CDH8: variants seen among roughly 807,000 people sequenced by gnomAD.
CDH8 encodes cadherin 8.
In CDH8, 17 loss-of-function variants were observed where a neutral mutation model predicts 68.1. That is an observed-to-expected ratio of 0.25 (90% CI 0.17 to 0.37). The LOEUF (loss-of-function observed/expected upper bound fraction) is 0.37. CDH8 is among the 10% of genes least tolerant of loss of function. CDH8 has a pLI of 1.00. For synonymous variants in CDH8, 372 were observed against 365.1 expected (o/e 1.02, Z -0.21); for missense variants, 763 against 999.3 (o/e 0.76, Z 3.19).
intron 9 of CDH8, among the ~76,000 whole-genome samples, chr16:61,718,440 C>T (rs1959194669): frequency 6.6e-6 from 1 of 151,332 alleles, no homozygotes; most frequent in South Asian, 2.1e-4. Context: ...CACACTGTCA[C>T]TTTCTCAGGT....
At chr16:61,670,075 A>G (rs1468477504) in intron 10 of CDH8, among the ~76,000 whole-genome samples, 1 of 151,878 alleles carries the variant, frequency 6.6e-6, no homozygotes, top group East Asian at 1.9e-4. Context: ...ATTTTTTCCC[A>G]TCTCCTACAA....
At chr16:61,711,741 T>A (rs146328021) in intron 10 of CDH8, 1 of 151,788 alleles carries the variant, frequency 6.6e-6, no homozygotes, top group Non-Finnish European at 1.5e-5. Context: ...TGTTGAAGAT[T>A]TGGATCCTAA....
At chr16:61,671,802 T>G (rs948511064) in intron 10 of CDH8, among the ~76,000 whole-genome samples, 7 of 152,072 alleles carry the variant, frequency 4.6e-5, no homozygotes, top group Non-Finnish European at 1.0e-4. Flanking sequence ...AAGGTCAAAC[T>G]GATTTACTTT....
At chr16:61,665,519 G>T (rs1352069079) in intron 10 of CDH8, among the ~76,000 whole-genome samples, 1 of 151,866 alleles carries the variant, frequency 6.6e-6, no homozygotes, top group Non-Finnish European at 1.5e-5. Context: ...GGGGGGCAAG[G>T]GGAGAGAGAG....
At chr16:61,996,795 G>T (rs1202170668) in intron 2 of CDH8, among the ~76,000 whole-genome samples, 1 of 151,980 alleles carries the variant, frequency 6.6e-6, no homozygotes, top group Non-Finnish European at 1.5e-5. Flanking sequence ...TGCCAAAGCT[G>T]GTCTCGAACT....
chr16:61,891,541 G>C (rs79478242), intron 3 of CDH8, among the ~76,000 whole-genome samples: 30 of 152,190 alleles, frequency 2.0e-4, no homozygotes, highest in African/African-American at 7.2e-4. Context: ...TCACATATTA[G>C]AAGCCATTGC....
chr16:61,734,307 G>GGACCTTGTTGACGTTGACTTATC (rs568802867), intron 8 of CDH8, among the ~76,000 whole-genome samples: 3,520 of 152,086 alleles, frequency 0.023, 69 homozygotes, highest in Non-Finnish European at 0.035. Flanking sequence ...GAACATATTG[G>GGACCTTGTTGACGTTGACTTATC]GACCTTGTTG....
At chr16:62,022,007 G>C (rs946856655) in intron 1 of CDH8, among the ~76,000 whole-genome samples, 1 of 151,496 alleles carries the variant, frequency 6.6e-6, no homozygotes, top group Admixed American at 6.6e-5. Context: ...CCCACTTGTC[G>C]AACACACTGT....
At chr16:61,895,965 G>A (rs1196665121) in intron 3 of CDH8, among the ~76,000 whole-genome samples, 1 of 151,654 alleles carries the variant, frequency 6.6e-6, no homozygotes, top group Non-Finnish European at 1.5e-5. Context: ...AGTCAGATTT[G>A]GAGCCAAATA....
intron 2 of CDH8, chr16:61,934,011 G>A (rs1228362271): frequency 1.3e-5 from 2 of 152,098 alleles, no homozygotes; most frequent in Non-Finnish European, 1.5e-5. Flanking sequence ...ATATTCAGAC[G>A]GGATCAATAG....
chr16:61,877,718 A>C (rs1163222482), intron 3 of CDH8, among the ~76,000 whole-genome samples: 1 of 152,140 alleles, frequency 6.6e-6, no homozygotes, highest in Non-Finnish European at 1.5e-5. Context: ...AACATATAGA[A>C]ATAAGAGAGA....
intron 10 of CDH8, among the ~76,000 whole-genome samples, chr16:61,687,379 C>A (rs975682310): frequency 6.6e-6 from 1 of 151,788 alleles, no homozygotes; most frequent in African/African-American, 2.4e-5. Context: ...AATCACATAC[C>A]CGTTTTGTAG....
intron 8 of CDH8, among the ~76,000 whole-genome samples, chr16:61,744,505 TCTTG>T (rs1959963564): frequency 6.6e-6 from 1 of 152,044 alleles, no homozygotes; most frequent in Non-Finnish European, 1.5e-5. Flanking sequence ...ATGATCTGTG[TCTTG>T]CTTCCTTTTT....
At chr16:61,826,408 T>C (rs1962336132) in intron 4 of CDH8, among the ~76,000 whole-genome samples, 1 of 151,866 alleles carries the variant, frequency 6.6e-6, no homozygotes, top group African/African-American at 2.4e-5. Flanking sequence ...TACTTAACTC[T>C]GTCATAAGAT....
chr16:61,798,748 C>A (rs1961553842), intron 7 of CDH8, among the ~76,000 whole-genome samples: 1 of 152,076 alleles, frequency 6.6e-6, no homozygotes, highest in African/African-American at 2.4e-5. Flanking sequence ...ACATGGAAAG[C>A]AAAGGAAGTG....
intron 10 of CDH8, among the ~76,000 whole-genome samples, chr16:61,684,399 T>C (rs776239376): frequency 6.6e-6 from 1 of 151,986 alleles, no homozygotes; most frequent in African/African-American, 2.4e-5. Flanking sequence ...GAGTTTTTTA[T>C]TGGCTAGGCA....
At chr16:61,926,451 A>T (rs1964458439) in intron 2 of CDH8, among the ~76,000 whole-genome samples, 1 of 152,108 alleles carries the variant, frequency 6.6e-6, no homozygotes. Context: ...CTTCAAATTA[A>T]CACCCTGATC....
chr16:62,028,569 G>A (rs1355459540), intron 1 of CDH8, among the ~76,000 whole-genome samples: 1 of 152,086 alleles, frequency 6.6e-6, no homozygotes, highest in African/African-American at 2.4e-5. Flanking sequence ...AGAATGGGGT[G>A]ACTAAGCCAG....
rs75133983 is a variant in CDH8, at chr16:61,897,883, A to C, written c.547+3296T>G. The stretch of plus-strand genomic sequence containing the variant: ...GAAGCCAAACGAAGTGAAAAGATGG[A>C]GGTGTTTTTGCTTGCTTGTGTGTTT... On this transcript the variant is annotated intron_variant, in intron 3 of 11. Transcript: ENST00000577390. 1.5e-3 allele frequency among the ~76,000 whole-genome samples: 221 copies of C among 152,274 alleles called. 6 individuals carry two copies. In the East Asian group the frequency reaches 0.021, roughly 15 times the overall value.
Sources: gnomAD v4.1 joint callset for allele counts (sites outside exome capture counted in the v4.1 genomes callset) on GRCh38, gnomAD v4.1.1 for gene constraint, MANE v1.5 for transcripts, NCBI Gene and HGNC (gene_info 2026-07-23, HGNC 2026-07-21) for gene names.